GRIP1: variants seen among roughly 807,000 people sequenced by gnomAD.
GRIP1 encodes glutamate receptor interacting protein 1.
Under a neutral mutation model 129.9 loss-of-function variants are expected in GRIP1, and 45 were observed. The observed-to-expected ratio is 0.35, with a 90% CI of 0.27 to 0.44. The LOEUF (loss-of-function observed/expected upper bound fraction) is 0.44, where lower values mean the gene tolerates loss of function less well. GRIP1 is among the 20% of genes least tolerant of loss of function. The probability of loss-of-function intolerance (pLI) is 1.00; values close to 1 mark genes in which losing one functional copy is unlikely to be tolerated. For synonymous variants in GRIP1, 530 were observed against 520.8 expected (o/e 1.02, Z -0.24); for missense variants, 1,196 against 1,396.8 (o/e 0.86, Z 2.29).
At chr12:66,424,953 C>T (rs569243629) in intron 14 of GRIP1, among the ~76,000 whole-genome samples, 1 of 151,992 alleles carries the variant, frequency 6.6e-6, no homozygotes, top group African/African-American at 2.4e-5. Flanking sequence ...CTCTTCTCTT[C>T]TCTCTTGCAT....
rs539843662 is a variant in GRIP1, at chr12:66,918,616, A to C, written c.58+150434T>G. On this transcript the variant is annotated intron_variant, in intron 1 of 1. Transcript: ENST00000643019. ...TAGGACATTAAAATATTTTCAAACA[A>C]CCTGTATTCAAAAAAACCATATCAA... Among the ~76,000 whole-genome samples, 250 of 152,116 alleles carry C rather than the reference A, an allele frequency of 1.6e-3. 2 individuals carry two copies. The highest frequency in any genetic ancestry group is 0.013 in the Admixed American group (199 of 15,280).
At position 66,985,801 on chromosome 12, in the gene GRIP1, G is replaced by A. The variant is rs2042302941; in HGVS notation, c.58+83249C>T. On this transcript the variant is annotated intron_variant, in intron 1 of 1. Coordinates refer to the GRIP1 transcript ENST00000643019. ...TCAAAATCTTGGTTTGTTTTATCAA[G>A]ATGGCATGTCGTTTGTAGATCCTTC... Among the ~76,000 whole-genome samples, 5 of 152,150 alleles carry A rather than the reference G, an allele frequency of 3.3e-5. No individual in the cohort carries two copies. The South Asian group carries it at 1.0e-3, about 32-fold the overall frequency.
rs539743190 is a variant in GRIP1, at chr12:66,800,069, T to TAC, written c.-420+3982_-420+3983dup. On this transcript the variant is annotated intron_variant, in intron 1 of 4. Coordinates refer to the GRIP1 transcript ENST00000538373. ...AATAATTTAGCTAACAATGATTTCATACACACACATCACAATTACTGCTGA... is the reference window on the plus strand; with the variant it reads ...AATAATTTAGCTAACAATGATTTCATACACACACACATCACAATTACTGCTGA... 6.6e-5 allele frequency among the ~76,000 whole-genome samples: 10 copies of TAC among 152,282 alleles called. No individual in the cohort carries two copies. The South Asian group carries it at 1.7e-3, about 25-fold the overall frequency.
chr12:66,909,532 A>G (rs2040994273), intron 1 of GRIP1, among the ~76,000 whole-genome samples: 1 of 152,224 alleles, frequency 6.6e-6, no homozygotes, highest in Non-Finnish European at 1.5e-5. Flanking sequence ...GGTCAGTTTA[A>G]GGCTTCTTCC....
At chr12:66,799,275 T>C (rs1328651676) in intron 1 of GRIP1, among the ~76,000 whole-genome samples, 2 of 152,070 alleles carry the variant, frequency 1.3e-5, no homozygotes, top group South Asian at 2.1e-4. Context: ...AAGACAAATA[T>C]ACTATAGATG....
chr12:66,563,270 A>G (rs1274791025), intron 2 of GRIP1, among the ~76,000 whole-genome samples: 4 of 152,196 alleles, frequency 2.6e-5, no homozygotes, highest in African/African-American at 9.7e-5. Context: ...ACTAGAAAAC[A>G]GAAGTTGTAT....
At chr12:66,483,308 T>A (rs1389327) in intron 7 of GRIP1, among the ~76,000 whole-genome samples, 41,119 of 152,120 alleles carry the variant, frequency 0.27, 5,750 homozygotes, top group Middle Eastern at 0.41. Context: ...TACATTTTTT[T>A]AAATATTTTT....
At chr12:66,768,880 T>TC (rs1450595200) in intron 1 of GRIP1, among the ~76,000 whole-genome samples, 2 of 152,128 alleles carry the variant, frequency 1.3e-5, no homozygotes, top group East Asian at 3.9e-4. Flanking sequence ...CAGCCCACAC[T>TC]CCAGATCAAC....
At chr12:66,426,895 T>A (rs2058005186) in intron 14 of GRIP1, among the ~76,000 whole-genome samples, 6 of 152,190 alleles carry the variant, frequency 3.9e-5, no homozygotes, top group Admixed American at 3.9e-4. Flanking sequence ...TAATTTCCAT[T>A]TTTAAAGCAG....
chr12:66,829,100 A>G (rs2039470484), intron 1 of GRIP1, among the ~76,000 whole-genome samples: 2 of 152,228 alleles, frequency 1.3e-5, no homozygotes, highest in South Asian at 4.1e-4. Flanking sequence ...ATTACCATAT[A>G]TGGCAGAAGA....
In GRIP1 at chr12:66,612,368, C is replaced by T. The variant is rs879157356; in HGVS notation, c.56-15441G>A. ...CTGTAACACAATAGTATCTGTGTAT[C>T]TCATATCTAGGCTGGGTTCAGTGGT... On this transcript the variant is annotated intron_variant, in intron 1 of 24. Transcript: ENST00000359742. 2.0e-5 allele frequency among the ~76,000 whole-genome samples: 3 copies of T among 152,110 alleles called. No homozygotes were observed. In the South Asian group the frequency reaches 6.2e-4, roughly 31 times the overall value.
At chr12:66,992,921 T>C (rs2042415023) in intron 1 of GRIP1, among the ~76,000 whole-genome samples, 1 of 152,136 alleles carries the variant, frequency 6.6e-6, no homozygotes, top group South Asian at 2.1e-4. Flanking sequence ...GAGACCACGC[T>C]GGGCAACATG....
chr12:66,536,370 A>G (rs1171018318), intron 4 of GRIP1, among the ~76,000 whole-genome samples: 1 of 152,186 alleles, frequency 6.6e-6, no homozygotes, highest in Non-Finnish European at 1.5e-5. Context: ...CCAGTGGCCT[A>G]TAGTGATACC....
chr12:66,674,685 G>A (rs185070156), intron 1 of GRIP1, among the ~76,000 whole-genome samples: 5 of 152,310 alleles, frequency 3.3e-5, no homozygotes, highest in Admixed American at 3.3e-4. Flanking sequence ...CTAGACGAAT[G>A]TCTGACCTTC....
chr12:67,037,386 T>C (rs2043114426), intron 1 of GRIP1: 1 of 140,208 alleles, frequency 7.1e-6, no homozygotes, highest in Admixed American at 7.3e-5. Flanking sequence ...TATACTAACA[T>C]AATGTAATCT....
chr12:66,585,030 C>T (rs1240756047), intron 2 of GRIP1, among the ~76,000 whole-genome samples: 1 of 151,948 alleles, frequency 6.6e-6, no homozygotes, highest in East Asian at 1.9e-4. Flanking sequence ...ACCCCTGCCT[C>T]TTTTGTTTTT....
intron 1 of GRIP1, among the ~76,000 whole-genome samples, chr12:66,877,520 G>C (rs2040403731): frequency 6.6e-6 from 1 of 151,978 alleles, no homozygotes; most frequent in Non-Finnish European, 1.5e-5. Context: ...ATTAAACACA[G>C]CCATAATCAG....
intron 20 of GRIP1, among the ~76,000 whole-genome samples, chr12:66,378,861 C>T (rs944006269): frequency 2.0e-5 from 3 of 151,742 alleles, no homozygotes; most frequent in African/African-American, 7.3e-5. Context: ...GCATGTGAAT[C>T]GCTAGAACCT....
intron 1 of GRIP1, among the ~76,000 whole-genome samples, chr12:66,922,984 T>C (rs1413275908): frequency 6.6e-6 from 1 of 152,228 alleles, no homozygotes; most frequent in Admixed American, 6.5e-5. Flanking sequence ...ATATATATGA[T>C]TGAGCCCATG....
Sources: gnomAD v4.1 joint callset for allele counts (sites outside exome capture counted in the v4.1 genomes callset) on GRCh38, gnomAD v4.1.1 for gene constraint, MANE v1.5 for transcripts, NCBI Gene and HGNC (gene_info 2026-07-23, HGNC 2026-07-21) for gene names.